Variants in TRMT2B observed in about 807,000 individuals in gnomAD.
TRMT2B encodes the protein tRNA (uracil-5-)-methyltransferase homolog B.
TRMT2B carries 34 observed loss-of-function variants against 39.7 expected under a neutral mutation model. The observed-to-expected ratio is 0.86, with a 90% CI of 0.65 to 1.14. TRMT2B has a LOEUF of 1.14. TRMT2B is among the 50% of genes most tolerant of loss of function. The pLI is 0.00. For missense variants in TRMT2B, 318 were observed against 377.2 expected, an observed-to-expected ratio of 0.84 and a Z score of 1.30; for synonymous variants, 132 against 137.3, an observed-to-expected ratio of 0.96 and a Z score of 0.27.
the TRMT2B span, among the ~76,000 whole-genome samples, chrX:100,977,041 A>G: frequency 8.9e-6 from 1 of 112,508 alleles, no homozygotes; most frequent in African/African-American, 3.2e-5. Flanking sequence ...AGAATTTGTT[A>G]AATTTTTATG....
the TRMT2B span, among the ~76,000 whole-genome samples, chrX:100,993,556 G>A: frequency 8.9e-6 from 1 of 111,812 alleles, no homozygotes; most frequent in African/African-American, 3.3e-5. Context: ...AAAAAGGGAT[G>A]GGATTGTACC....
At chrX:100,993,524 T>C in the TRMT2B span, among the ~76,000 whole-genome samples, 367 of 111,685 alleles carry the variant, frequency 3.3e-3, 3 homozygotes, top group African/African-American at 0.011. Context: ...TCTCAGCCAA[T>C]AGAGAAGAGA....
At chrX:101,030,867 A>G (rs1308467953) in intron 7 of TRMT2B, among the ~76,000 whole-genome samples, 1 of 111,479 alleles carries the variant, frequency 9.0e-6, no homozygotes, top group Admixed American at 9.6e-5. Flanking sequence ...CCTCAGAGAA[A>G]ATAACTCAAG....
At chrX:100,981,853 G>A in the TRMT2B span, among the ~76,000 whole-genome samples, 2 of 105,866 alleles carry the variant, frequency 1.9e-5, no homozygotes, top group Non-Finnish European at 3.9e-5. Context: ...TACTGTGATC[G>A]CTCACCTAAT....
At chrX:100,978,435 C>A in the TRMT2B span, among the ~76,000 whole-genome samples, 6 of 111,395 alleles carry the variant, frequency 5.4e-5, no homozygotes, top group South Asian at 3.8e-4. Flanking sequence ...CTGAATTGAT[C>A]CCCTTATCAT....
intron 4 of TRMT2B, among the ~76,000 whole-genome samples, chrX:101,039,163 G>C (rs1023387796): frequency 9.9e-5 from 11 of 110,858 alleles, no homozygotes; most frequent in Non-Finnish European, 1.7e-4. Context: ...TCCGCCTCCT[G>C]GGTTCAAGCG....
chrX:101,050,668 G>C (rs1224520600), intron 2 of TRMT2B, among the ~76,000 whole-genome samples: 2 of 110,380 alleles, frequency 1.8e-5, no homozygotes, highest in African/African-American at 6.6e-5. Context: ...AGGTTGCGGT[G>C]AGGCGAGATC....
At chrX:101,028,509 T>C (rs1434532675) in intron 7 of TRMT2B, among the ~76,000 whole-genome samples, 1 of 111,520 alleles carries the variant, frequency 9.0e-6, no homozygotes, top group Non-Finnish European at 1.9e-5. Context: ...CTGTTACCAC[T>C]GATCGATCTA....
chrX:100,983,948 A>C, the TRMT2B span, among the ~76,000 whole-genome samples: 1 of 111,663 alleles, frequency 9.0e-6, no homozygotes, highest in Non-Finnish European at 1.9e-5. Context: ...ACTACAAATA[A>C]GAAGTTATGC....
chrX:100,978,237 A>G, the TRMT2B span, among the ~76,000 whole-genome samples: 1 of 112,286 alleles, frequency 8.9e-6, no homozygotes, highest in Non-Finnish European at 1.9e-5. Context: ...CATTTGCTCT[A>G]TAGTGCAGAT....
At chrX:101,027,505 G>A (rs1295703890) in intron 7 of TRMT2B, among the ~76,000 whole-genome samples, 1 of 109,328 alleles carries the variant, frequency 9.1e-6, no homozygotes, top group Admixed American at 9.9e-5. Flanking sequence ...GCCTCCCAAA[G>A]TGCTGGGATT....
the TRMT2B span, chrX:100,973,530 G>T: frequency 1.1e-6 from 1 of 937,816 alleles, no homozygotes; most frequent in Non-Finnish European, 1.5e-6. Context: ...GACATTTATA[G>T]ACACAGTTGG....
the TRMT2B span, among the ~76,000 whole-genome samples, chrX:100,980,824 A>G: frequency 9.0e-6 from 1 of 111,031 alleles, no homozygotes; most frequent in Non-Finnish European, 1.9e-5. Context: ...TCCTGTCAAG[A>G]CTGGGTCCTT....
the TRMT2B span, chrX:100,985,571 G>C: frequency 2.0e-6 from 2 of 1,021,597 alleles, no homozygotes; most frequent in Non-Finnish European, 2.7e-6. Flanking sequence ...CAGCAGGATA[G>C]ACAACTGCAT....
chrX:100,983,279 T>G, the TRMT2B span, among the ~76,000 whole-genome samples: 15 of 111,391 alleles, frequency 1.3e-4, no homozygotes, highest in Non-Finnish European at 2.5e-4. Context: ...AAAAATTTTT[T>G]TCTCTGACAG....
chrX:100,982,470 A>AAAATAAAT, the TRMT2B span, among the ~76,000 whole-genome samples: 8,383 of 91,217 alleles, frequency 0.092, 458 homozygotes, highest in Admixed American at 0.13. Flanking sequence ...CCAGGCTTAA[A>AAAATAAAT]AAATAAATAA....
At chrX:101,006,463 G>GTA (rs1414380497), downstream of TRMT2B, among the ~76,000 whole-genome samples, 1 of 109,868 alleles carries the variant, frequency 9.1e-6, no homozygotes, top group East Asian at 2.9e-4. Flanking sequence ...GATGTATAAG[G>GTA]TATACATGTA....
At chrX:100,977,037 TGTTA>T in the TRMT2B span, among the ~76,000 whole-genome samples, 1 of 112,608 alleles carries the variant, frequency 8.9e-6, no homozygotes, top group African/African-American at 3.2e-5. Context: ...TTTTAGAATT[TGTTA>T]AATTTTTATG....
chrX:100,986,896 C>T, the TRMT2B span: 9 of 1,171,942 alleles, frequency 7.7e-6, no homozygotes, highest in Non-Finnish European at 8.1e-6. Flanking sequence ...GTGCCCATGC[C>T]GAGTAGTAAG....
Sources: gnomAD v4.1 joint callset for allele counts (sites outside exome capture counted in the v4.1 genomes callset) on GRCh38, gnomAD v4.1.1 for gene constraint, MANE v1.5 for transcripts, NCBI Gene and HGNC (gene_info 2026-07-23, HGNC 2026-07-21) for gene names.